Variants in INTS1 observed in about 807,000 individuals in gnomAD.
INTS1 encodes the protein integrator complex subunit 1.
A neutral mutation model predicts 241.6 loss-of-function variants in INTS1; 137 were observed. The observed-to-expected ratio is 0.57, with a 90% CI of 0.49 to 0.65. INTS1 has a LOEUF of 0.65. Among genes scored for constraint, INTS1 ranks in the 30% least tolerant of loss-of-function variants. INTS1 has a pLI of 0.00. For missense variants in INTS1, 3,073 were observed against 3,032.2 expected (o/e 1.01, Z -0.32); for synonymous variants, 1,692 against 1,337.8 (o/e 1.26, Z -5.78).
rs1479796070 is a variant in INTS1 at position 1,499,085 on chromosome 7, T to C, written c.1027A>G (p.Ile343Val). The C allele has an allele frequency of 2.5e-6, 4 of 1,609,842 alleles. No homozygotes were observed. Among genetic ancestry groups the C allele is most frequent in the South Asian group, 1.1e-5 (1 of 90,640 alleles). ...AGGAGGTTCCTGGAGACGTTGTCGA[T>C]GGGCTGGCGCCGGTTCAGCTGGTCC... is the stretch of plus-strand genomic sequence containing the variant. ...LRDQLNRRQP[I>V]DNVSRNLLRL... The change falls in exon 8 of 48, where the codon ATC becomes GTC. Residue 343 changes from isoleucine (I) to valine (V), a missense_variant. By Grantham distance (29) the Ile-to-Val change is conservative (BLOSUM62 3). Transcript: ENST00000404767.
chr7:1,471,561 T>C lies in INTS1; in HGVS notation c.6255+10A>G. The C allele has an allele frequency of 6.2e-7, 1 of 1,611,800 alleles. No homozygotes were observed. Reference sequence around the variant, plus strand: ...TCCTCCCAGCTCTCCCTCAGCCCCATCCAGCTCACCGAGAAGAAGCTCAGG... The same window carrying C: ...TCCTCCCAGCTCTCCCTCAGCCCCACCCAGCTCACCGAGAAGAAGCTCAGG... On this transcript the variant is annotated intron_variant, in intron 45 of 47. Transcript: ENST00000404767.
chr7:1,485,767 GAACTTAA>G (rs1012889495), intron 22 of INTS1, among the ~76,000 whole-genome samples: 1 of 152,200 alleles, frequency 6.6e-6, no homozygotes, highest in African/African-American at 2.4e-5. Flanking sequence ...CGCAGGGAAG[GAACTTAA>G]AATACAGTCA....
In INTS1 at chr7:1,479,525, G is replaced by C. The variant is rs1340689194; in HGVS notation, c.4234C>G (p.Leu1412Val). ...GCACCGCCGTGTGGGGAGCTGAGCA[G>C]GGTGGCGAGGGCCTGCAGGACACGC... ...TVRVLQALATLLSSPHGGALV... is the reference protein window; with the variant it reads ...TVRVLQALATVLSSPHGGALV... Residue 1412 changes from leucine to valine, a missense_variant, in exon 31 of 48, where the codon CTG becomes GTG. Transcript: ENST00000404767. 1.3e-6 allele frequency: 2 copies of C among 1,564,916 alleles called. No homozygotes were observed. The highest frequency in any genetic ancestry group is 3.7e-5 in the Admixed American group (2 of 53,334).
chr7:1,489,518 C>T, intron 17 of INTS1, 73 bp downstream of exon 17: 1 of 1,528,764 alleles, frequency 6.5e-7, no homozygotes, highest in Non-Finnish European at 8.9e-7. Flanking sequence ...CAAGTCCCAA[C>T]AGACAAACTG....
chr7:1,497,024 C>T lies in INTS1; in HGVS notation c.1602+114G>A, dbSNP rs934694500. ...ACAGCCTCACTCATCCCCGTACCCA[C>T]GCTCAGCCAGAGCATCCGAAGGGGT... On this transcript the variant is annotated intron_variant, in intron 11 of 47. Transcript: ENST00000404767. The surrounding 1 kb of genome is among the most constrained non-coding windows in gnomAD (Gnocchi z 5.3). 62 of 1,099,504 alleles carry T rather than the reference C, an allele frequency of 5.6e-5. No individual in the cohort carries two copies. The highest frequency in any genetic ancestry group is 7.4e-5 in the Non-Finnish European group (58 of 787,740). The allele number at this position is 1,099,504 out of a possible 1,614,324, so 68.1% of individuals were successfully genotyped here. A position where few individuals can be genotyped will look rare whatever the true frequency, so the allele number is the denominator to read the frequency against.
chr7:1,482,994 T>C, intron 26 of INTS1: 1 of 400,240 alleles, frequency 2.5e-6, no homozygotes, highest in Non-Finnish European at 4.6e-6. Flanking sequence ...CCTCGGGGCT[T>C]TGCTTGGCTG....
intron 16 of INTS1, among the ~76,000 whole-genome samples, chr7:1,490,111 C>T (rs1295889780): frequency 6.6e-6 from 1 of 151,896 alleles, no homozygotes; most frequent in Non-Finnish European, 1.5e-5. Context: ...GAGGCACTGC[C>T]TGGAGCCACA....
chr7:1,500,102 G>A lies in INTS1; in HGVS notation c.546+68C>T, dbSNP rs543352518. ...GGGGTGGGCCGGGAGGGACACTTAA[G>A]GGGGAGGTGAGGAGGGGAGCCAAGG... On this transcript the variant is annotated intron_variant, in intron 4 of 47. Coordinates refer to ENST00000404767, the MANE Select transcript of INTS1 (RefSeq NM_001080453.3). 3,528 of 1,588,260 alleles carry A rather than the reference G, an allele frequency of 2.2e-3. 1 individual carries two copies. Among genetic ancestry groups the A allele is most frequent in the Non-Finnish European group, 2.7e-3 (3,145 of 1,164,006 alleles).
In INTS1 at chr7:1,499,932, G is replaced by A. The variant is rs915752989; in HGVS notation, c.636C>T (p.Leu212=). 1.2e-6 allele frequency: 2 copies of A among 1,613,740 alleles called. No homozygotes were observed. Among genetic ancestry groups the A allele is most frequent in the African/African-American group, 2.7e-5 (2 of 75,072 alleles). The change falls in exon 5 of 48, where the codon CTC becomes CTT. Residue 212 remains leucine, a synonymous_variant. Transcript: ENST00000404767. ...SLVSVLACNL[L]MAAYEEDENW... ...TCTCGTCCTCCTCGTAGGCGGCCAT[G>A]AGGAGGTTACAGGCCAGCACAGACA...
chr7:1,471,785 C>G, intron 44 of INTS1, 144 bp from the exon 45 acceptor site: 1 of 710,284 alleles, frequency 1.4e-6, no homozygotes, highest in Non-Finnish European at 2.4e-6. Flanking sequence ...ACGCCCCAGG[C>G]AGTCACCTGC....
intron 37 of INTS1, 37 bp from the exon 38 acceptor site, chr7:1,476,492 C>T (rs752493922): frequency 5.0e-6 from 8 of 1,601,230 alleles, no homozygotes; most frequent in South Asian, 1.1e-5. Flanking sequence ...GGAGCACCAC[C>T]GCCTCTCCCG....
chr7:1,472,757 G>A (rs887394622), intron 43 of INTS1, among the ~76,000 whole-genome samples: 1 of 151,654 alleles, frequency 6.6e-6, no homozygotes, highest in African/African-American at 2.4e-5. Flanking sequence ...AGTAGGACCA[G>A]GGGAGGCTTC....
Position 1,503,052 on chromosome 7 carries a change from G to A in INTS1, c.198C>T (p.Ser66=), listed in dbSNP as rs757313715. The A allele has an allele frequency of 8.7e-6, 14 of 1,613,396 alleles. No individual in the cohort carries two copies. The highest frequency in any genetic ancestry group is 1.3e-5 in the African/African-American group (1 of 74,922). Residue 66 remains serine, a synonymous_variant, in exon 3 of 48, where the codon TCC becomes TCT. Transcript: ENST00000404767. ...TGAGACCGGTGAGGGCCGAGGCACT[G>A]GACAACGCGGCCGCCGCATCCCGCT... is the stretch of plus-strand genomic sequence containing the variant. ...ERKRDAAAAL[S]SASALTGLTK... is the part of the protein sequence containing the mutation.
chr7:1,496,901 C>T (rs759574739), intron 11 of INTS1, among the ~76,000 whole-genome samples: 39 of 152,178 alleles, frequency 2.6e-4, no homozygotes, highest in Non-Finnish European at 4.6e-4. Flanking sequence ...TCATCCCATC[C>T]AGCCTAGGGG....
intron 13 of INTS1, among the ~76,000 whole-genome samples, chr7:1,495,099 G>T (rs571247935): frequency 8.4e-6 from 1 of 119,632 alleles, no homozygotes; most frequent in East Asian, 2.8e-4. Flanking sequence ...GGCCGAACGG[G>T]GCTGCCGGGC....
intron 3 of INTS1, 102 bp from the exon 4 acceptor site, chr7:1,500,468 C>G: frequency 7.7e-7 from 1 of 1,294,128 alleles, no homozygotes; most frequent in East Asian, 2.6e-5. Flanking sequence ...CTCTCAGGGT[C>G]GGCCCTGCCA....
chr7:1,486,272 T>TA (rs202139718), intron 22 of INTS1, among the ~76,000 whole-genome samples: 1 of 150,920 alleles, frequency 6.6e-6, no homozygotes, highest in Non-Finnish European at 1.5e-5. Context: ...TTTATTTATT[T>TA]TTTTTTTTTT....
At chr7:1,501,228 T>G (rs555406456) in intron 3 of INTS1, 2 of 151,706 alleles carry the variant, frequency 1.3e-5, no homozygotes, top group East Asian at 3.9e-4. Context: ...GAGGCTGAAG[T>G]GAGCCGAGAT....
At chr7:1,501,258 C>G (rs1173260608) in intron 3 of INTS1, 2 of 149,858 alleles carry the variant, frequency 1.3e-5, no homozygotes, top group African/African-American at 5.0e-5. Context: ...GCATTCCAGC[C>G]TGGGGAACAC....
Sources: gnomAD v4.1 joint callset for allele counts (sites outside exome capture counted in the v4.1 genomes callset) on GRCh38, gnomAD v4.1.1 for gene constraint, Gnocchi (gnomAD v3.1) non-coding constraint, MANE v1.5 for transcripts, NCBI Gene and HGNC (gene_info 2026-07-23, HGNC 2026-07-21) for gene names.